The following ZFPM2 variants were observed in gnomAD, a reference collection of about 807,000 sequenced individuals.
ZFPM2 encodes the protein zinc finger protein ZFPM2.
ZFPM2 carries 20 observed loss-of-function variants against 98.6 expected under a neutral mutation model. That is an observed-to-expected ratio of 0.20 (90% CI 0.14 to 0.29). The LOEUF is 0.29. ZFPM2 is among the 10% of genes least tolerant of loss of function. The pLI is 1.00. For synonymous variants in ZFPM2, 518 were observed against 502.7 expected (o/e 1.03, Z -0.41); for missense variants, 1,310 against 1,388.6 (o/e 0.94, Z 0.90).
chr8:105,601,281 G>A (rs1422515568), intron 4 of ZFPM2, among the ~76,000 whole-genome samples: 1 of 152,076 alleles, frequency 6.6e-6, no homozygotes, highest in Non-Finnish European at 1.5e-5. Context: ...ACCAAGCCCA[G>A]TAGCTGGCAC....
At chr8:105,564,307 T>C (rs755268709) in intron 4 of ZFPM2, among the ~76,000 whole-genome samples, 3 of 152,052 alleles carry the variant, frequency 2.0e-5, no homozygotes, top group Non-Finnish European at 4.4e-5. Flanking sequence ...AGTTTTCTTC[T>C]TTTGTCTTAG....
Position 105,801,336 on chromosome 8 carries a change from C to G in ZFPM2, c.1254C>G (p.Ser418Arg). The change falls in exon 8 of 8, where the codon AGC (serine) becomes AGG (arginine). Residue 418 changes from serine (S) to arginine (R), a missense_variant. Physicochemically the swap from Ser to Arg is moderately radical, Grantham distance 110. Coordinates refer to ENST00000407775, the MANE Select transcript of ZFPM2 (RefSeq NM_012082.4). ...CAGCCACAGACTTATTGACCAGAAG[C>G]GAACTTCCCCAGAGCCAAAAGGCCA... ...LQPATDLLTR[S>R]ELPQSQKAMQ... 1 of 1,613,930 alleles carries G rather than the reference C, an allele frequency of 6.2e-7. No homozygotes were observed.
At chr8:105,760,397 CT>C (rs1426131014) in intron 5 of ZFPM2, among the ~76,000 whole-genome samples, 2 of 152,062 alleles carry the variant, frequency 1.3e-5, no homozygotes, top group Non-Finnish European at 2.9e-5. Flanking sequence ...TTAACCAACT[CT>C]GCACTTAAAA....
intron 5 of ZFPM2, among the ~76,000 whole-genome samples, chr8:105,760,336 A>C (rs1443363192): frequency 6.6e-6 from 1 of 152,084 alleles, no homozygotes; most frequent in Non-Finnish European, 1.5e-5. Context: ...TTTAAAAGAA[A>C]TTTAAAAGAA....
At chr8:105,678,021 T>G (rs1460030609) in intron 5 of ZFPM2, among the ~76,000 whole-genome samples, 2 of 152,192 alleles carry the variant, frequency 1.3e-5, no homozygotes, top group African/African-American at 4.8e-5. Context: ...CTGTGCAGTT[T>G]ATGTGTTCTG....
intron 4 of ZFPM2, among the ~76,000 whole-genome samples, chr8:105,591,805 C>T (rs1193655954): frequency 6.6e-6 from 1 of 152,100 alleles, no homozygotes; most frequent in Admixed American, 6.6e-5. Flanking sequence ...TATTGATACT[C>T]TCCCAATCCA....
chr8:105,356,463 T>A (rs1406167129), intron 1 of ZFPM2, among the ~76,000 whole-genome samples: 1 of 152,220 alleles, frequency 6.6e-6, no homozygotes, highest in Non-Finnish European at 1.5e-5. Flanking sequence ...AGTGGATTCT[T>A]TCCCATTTAT....
intron 4 of ZFPM2, among the ~76,000 whole-genome samples, chr8:105,584,131 A>G (rs113153128): frequency 0.012 from 1,797 of 152,210 alleles, 31 homozygotes; most frequent in African/African-American, 0.041. Context: ...GTGCAGATGC[A>G]AAATTATTAA....
At chr8:105,438,970 A>G (rs1812179617) in intron 2 of ZFPM2, among the ~76,000 whole-genome samples, 1 of 152,274 alleles carries the variant, frequency 6.6e-6, no homozygotes, top group East Asian at 1.9e-4. Context: ...GCTCTCATGC[A>G]TATTGCCTAT....
chr8:105,438,977 C>T (rs1812179768), intron 2 of ZFPM2, among the ~76,000 whole-genome samples: 1 of 152,054 alleles, frequency 6.6e-6, no homozygotes, highest in Non-Finnish European at 1.5e-5. Flanking sequence ...TGCATATTGC[C>T]TATTTCCCCA....
At chr8:105,372,775 A>C in intron 1 of ZFPM2, among the ~76,000 whole-genome samples, 1 of 152,216 alleles carries the variant, frequency 6.6e-6, no homozygotes, top group Admixed American at 6.5e-5. Context: ...TCATGTAGAA[A>C]GGAAAGAAAA....
chr8:105,411,941 T>C (rs1207768169), intron 1 of ZFPM2, among the ~76,000 whole-genome samples: 11 of 151,894 alleles, frequency 7.2e-5, no homozygotes, highest in Non-Finnish European at 1.5e-4. Flanking sequence ...GTAAGATTAC[T>C]TGCTGCTTGC....
intron 5 of ZFPM2, among the ~76,000 whole-genome samples, chr8:105,664,388 C>G (rs967619362): frequency 2.0e-5 from 3 of 151,482 alleles, no homozygotes; most frequent in African/African-American, 7.3e-5. Context: ...GTTGCCCAGG[C>G]TGGAGTGCAC....
At chr8:105,365,080 T>A (rs1479309004) in intron 1 of ZFPM2, among the ~76,000 whole-genome samples, 2 of 152,170 alleles carry the variant, frequency 1.3e-5, no homozygotes, top group Non-Finnish European at 2.9e-5. Context: ...GGTTCATAAG[T>A]GCTGGTGTAA....
chr8:105,542,127 T>C (rs1429455723), intron 3 of ZFPM2, among the ~76,000 whole-genome samples: 1 of 152,078 alleles, frequency 6.6e-6, no homozygotes, highest in Non-Finnish European at 1.5e-5. Context: ...ATATGAAAAA[T>C]GGTTATTTTG....
chr8:105,428,252 T>C (rs925736842), intron 2 of ZFPM2, among the ~76,000 whole-genome samples: 2 of 152,168 alleles, frequency 1.3e-5, no homozygotes, highest in Non-Finnish European at 2.9e-5. Flanking sequence ...CTGTACACGA[T>C]GTGTCAGTCA....
rs201845067 is a variant in ZFPM2, at chr8:105,801,097, G to A, written c.1015G>A (p.Val339Ile). ...LPPGASLKCT[V>I]CSYTADSVIN... ...CCCTGGTGCTAGTCTAAAATGCACCGTCTGTAGCTACACTGCTGATTCCGT... is the reference window on the plus strand; with the variant it reads ...CCCTGGTGCTAGTCTAAAATGCACCATCTGTAGCTACACTGCTGATTCCGT... Residue 339 changes from valine (V) to isoleucine (I), a missense_variant, in exon 8 of 8, where the codon GTC becomes ATC. By Grantham distance (29) the Val-to-Ile change is conservative. Transcript: ENST00000407775. The A allele has an allele frequency of 3.4e-4, 554 of 1,613,900 alleles. 9 individuals carry two copies. The East Asian group carries it at 0.011, about 33-fold the overall frequency.
chr8:105,735,938 A>G (rs891996477), intron 5 of ZFPM2, among the ~76,000 whole-genome samples: 1 of 152,016 alleles, frequency 6.6e-6, no homozygotes, highest in Non-Finnish European at 1.5e-5. Flanking sequence ...CTTTTCAAAA[A>G]TTTAACGCGG....
chr8:105,706,653 C>T (rs996393436), intron 5 of ZFPM2, among the ~76,000 whole-genome samples: 14 of 152,042 alleles, frequency 9.2e-5, no homozygotes, highest in African/African-American at 3.1e-4. Flanking sequence ...GATCTCAGCT[C>T]ACTGCAACCT....
Sources: gnomAD v4.1 joint callset for allele counts (sites outside exome capture counted in the v4.1 genomes callset) on GRCh38, gnomAD v4.1.1 for gene constraint, MANE v1.5 for transcripts, NCBI Gene and HGNC (gene_info 2026-07-23, HGNC 2026-07-21) for gene names.